Variants in RNF26 observed in about 807,000 individuals in gnomAD.
RNF26 encodes the protein E3 ubiquitin-protein ligase RNF26.
Under a neutral mutation model 25.4 loss-of-function variants are expected in RNF26, and 8 were observed. The ratio of observed to expected loss-of-function variants is 0.31; its 90% CI spans 0.18 to 0.57. RNF26 has a LOEUF of 0.57. Ranked by LOEUF, RNF26 falls within the 20% of genes least tolerant of loss-of-function variation. The pLI, the probability that RNF26 is intolerant of heterozygous loss-of-function variation, is 0.90. For missense variants in RNF26, 470 were observed against 552.0 expected (o/e 0.85, Z 1.49); for synonymous variants, 262 against 246.7 (o/e 1.06, Z -0.58).
chr11:119,336,372 A>G lies in RNF26; in HGVS notation c.1250A>G (p.Asn417Ser). 6.2e-7 allele frequency: 1 copy of G among 1,611,862 alleles called. No homozygotes were observed. Among genetic ancestry groups the G allele is most frequent in the Non-Finnish European group, 8.5e-7 (1 of 1,179,958 alleles). ...ILMRHPVYHR[N>S]CPLCRRGILQ... ...ATGCGCCACCCCGTCTACCACCGCA[A>G]TTGCCCGCTCTGCCGCCGGGGCATC... is the stretch of plus-strand genomic sequence containing the variant. Residue 417 changes from asparagine (N) to serine (S), a missense_variant, in exon 1 of 1, where the codon AAT becomes AGT. Physicochemically the swap from Asn to Ser is conservative, Grantham distance 46. Coordinates refer to ENST00000311413, the MANE Select transcript of RNF26 (RefSeq NM_032015.5).
Position 119,335,140 on chromosome 11 carries a change from G to C in RNF26, c.18G>C (p.Leu6=). The C allele has an allele frequency of 6.2e-7, 1 of 1,613,860 alleles. No individual in the cohort carries two copies. Among genetic ancestry groups the C allele is most frequent in the Non-Finnish European group, 8.5e-7 (1 of 1,179,854 alleles). The change falls in exon 1 of 1, where the codon CTG becomes CTC. Residue 6 remains leucine (L), a synonymous_variant. Coordinates refer to ENST00000311413, the MANE Select transcript of RNF26 (RefSeq NM_032015.5). The part of the protein sequence containing the change: MEAVY[L]VVNGLGLVLD... ...GCCCTATCATGGAGGCAGTGTACCTGGTAGTGAATGGGTTGGGCCTGGTGC... is the reference window on the plus strand; with the variant it reads ...GCCCTATCATGGAGGCAGTGTACCTCGTAGTGAATGGGTTGGGCCTGGTGC...
In RNF26 at chr11:119,336,550, C is replaced by A; in HGVS notation, c.*126C>A. The A allele has an allele frequency of 2.6e-6, 2 of 767,642 alleles. No homozygotes were observed. Among genetic ancestry groups the A allele is most frequent in the Non-Finnish European group, 4.3e-6 (2 of 470,496 alleles). 47.6% of individuals were successfully genotyped at this position (767,642 alleles called of 1,614,324 possible). A position where few individuals can be genotyped will look rare whatever the true frequency, so the allele number is the denominator to read the frequency against. ...CTACCCCTGTGGCCATCCTGCCATA[C>A]ATCCAGGACATTGAGTTGGAAGACT... On this transcript the variant is annotated 3_prime_UTR_variant, in exon 1 of 1. Transcript: ENST00000311413.
Position 119,336,170 on chromosome 11 carries a change from G to A in RNF26, c.1048G>A (p.Val350Ile). 4 of 1,614,178 alleles carry A rather than the reference G, an allele frequency of 2.5e-6. No individual in the cohort carries two copies. The highest frequency in any genetic ancestry group is 3.4e-6 in the Non-Finnish European group (4 of 1,180,044). The change falls in exon 1 of 1, where the codon GTC (valine) becomes ATC (isoleucine). Residue 350 changes from valine to isoleucine, a missense_variant. By Grantham distance (29) the Val-to-Ile change is conservative. Transcript: ENST00000311413. The part of the protein sequence containing the change: ...EEARTIRVTP[V>I]RGRERLNEEE... The stretch of plus-strand genomic sequence containing the variant: ...GGCCAGGACCATCAGAGTGACACCT[G>A]TCAGGGGCCGAGAGAGGCTCAATGA...
Position 119,336,482 on chromosome 11 carries a change from C to G in RNF26, c.*58C>G, listed in dbSNP as rs747980291. 2.1e-6 allele frequency: 3 copies of G among 1,449,390 alleles called. No individual in the cohort carries two copies. The highest frequency in any genetic ancestry group is 2.9e-6 in the Non-Finnish European group (3 of 1,048,148). 89.8% of individuals were successfully genotyped at this position (1,449,390 alleles called of 1,614,324 possible). On this transcript the variant is annotated 3_prime_UTR_variant, in exon 1 of 1. Coordinates refer to ENST00000311413, the MANE Select transcript of RNF26 (RefSeq NM_032015.5). Reference sequence around the variant, plus strand: ...CTCCACGCAGGCACTCACGCTAGGACAGCATTAACACCTCATCTCCGGGTC... The same window carrying G: ...CTCCACGCAGGCACTCACGCTAGGAGAGCATTAACACCTCATCTCCGGGTC...
rs1045615667 is a variant in RNF26 at position 119,335,859 on chromosome 11, A to G, written c.737A>G (p.His246Arg). The G allele has an allele frequency of 6.2e-7, 1 of 1,610,012 alleles. No homozygotes were observed. Among genetic ancestry groups the G allele is most frequent in the East Asian group, 2.2e-5 (1 of 44,898 alleles). Residue 246 changes from histidine to arginine, a missense_variant, in exon 1 of 1, where the codon CAT becomes CGT. Physicochemically the swap from His to Arg is conservative, Grantham distance 29 (BLOSUM62 0). Coordinates refer to ENST00000311413, the MANE Select transcript of RNF26 (RefSeq NM_032015.5). The part of the protein sequence containing the change: ...CVLAVTVTVL[H>R]PDFTLRLATQ... ...CTGGCAGTGACGGTGACTGTGTTGCATCCGGACTTCACCCTGAGGCTGGCT... is the reference window on the plus strand; with the variant it reads ...CTGGCAGTGACGGTGACTGTGTTGCGTCCGGACTTCACCCTGAGGCTGGCT...
Position 119,334,894 on chromosome 11 carries a change from C to T in RNF26, c.-229C>T, listed in dbSNP as rs1591296271. ...GTTTGGCCTCTTCCCTCCCAAACAGCCCATCTTCAAAACCTGGACTCTTGG... is the reference window on the plus strand; with the variant it reads ...GTTTGGCCTCTTCCCTCCCAAACAGTCCATCTTCAAAACCTGGACTCTTGG... On this transcript the variant is annotated 5_prime_UTR_variant, in exon 1 of 1. Transcript: ENST00000311413. 1 of 585,960 alleles carries T rather than the reference C, an allele frequency of 1.7e-6. No individual in the cohort carries two copies. The highest frequency in any genetic ancestry group is 2.8e-5 in the East Asian group (1 of 35,390). 36.3% of individuals were successfully genotyped at this position (585,960 alleles called of 1,614,324 possible).
Position 119,336,179 on chromosome 11 carries a change from CG to C in RNF26, c.1058del (p.Arg353GlnfsTer19). The C allele has an allele frequency of 6.2e-7, 1 of 1,614,104 alleles. No homozygotes were observed. The highest frequency in any genetic ancestry group is 8.5e-7 in the Non-Finnish European group (1 of 1,180,036). ...RTIRVTPVRGRERLNEEEPPG... is the reference protein window; with the variant it reads ...RTIRVTPVRGXERLNEEEPPG... Reference sequence around the variant, plus strand: ...CATCAGAGTGACACCTGTCAGGGGCCGAGAGAGGCTCAATGAGGAGGAGCCT... The same window carrying C: ...CATCAGAGTGACACCTGTCAGGGGCCAGAGAGGCTCAATGAGGAGGAGCCT... On this transcript the variant is annotated frameshift_variant, in exon 1 of 1. Coordinates refer to ENST00000311413, the MANE Select transcript of RNF26 (RefSeq NM_032015.5). LOFTEE classifies it high-confidence loss of function.
Position 119,334,751 on chromosome 11 carries a change from A to C in RNF26, c.-372A>C. On this transcript the variant is annotated 5_prime_UTR_variant, in exon 1 of 1. Transcript: ENST00000311413. ...ACGCGACCCGATCCGATCCGATCCC[A>C]TTCCATCCGTTCCTCGTCTCCTCCC... The C allele has an allele frequency of 3.3e-6, 1 of 299,994 alleles. No homozygotes were observed. The highest frequency in any genetic ancestry group is 2.2e-5 in the African/African-American group (1 of 45,586). 18.6% of individuals were successfully genotyped at this position (299,994 alleles called of 1,614,324 possible).
Position 119,334,651 on chromosome 11 carries a change from C to T in RNF26, c.-472C>T, listed in dbSNP as rs1000274665. ...CGGGAAGACGGGGGCCGGGCGGGGA[C>T]AGGGGCACCTGCGTAGCTGGACTGA... On this transcript the variant is annotated 5_prime_UTR_variant, in exon 1 of 1. Transcript: ENST00000311413. 1.2e-4 allele frequency: 20 copies of T among 168,896 alleles called. No individual in the cohort carries two copies. The highest frequency in any genetic ancestry group is 8.5e-4 in the East Asian group (5 of 5,904). 10.5% of individuals were successfully genotyped at this position (168,896 alleles called of 1,614,324 possible).
chr11:119,335,379 T>A lies in RNF26; in HGVS notation c.257T>A (p.Leu86Gln), dbSNP rs1467523648. The A allele has an allele frequency of 6.2e-7, 1 of 1,614,208 alleles. No homozygotes were observed. The highest frequency in any genetic ancestry group is 8.5e-7 in the Non-Finnish European group (1 of 1,180,034). ...GGGGGCTTGCAGGCCTTGTGTACTCTGCTGTATAGCTGCTGCTCTGGCCTA... is the reference window on the plus strand; with the variant it reads ...GGGGGCTTGCAGGCCTTGTGTACTCAGCTGTATAGCTGCTGCTCTGGCCTA... ...TCGGLQALCT[L>Q]LYSCCSGLES... The change falls in exon 1 of 1, where the codon CTG (leucine) becomes CAG (glutamine). Residue 86 changes from leucine to glutamine, a missense_variant. By Grantham distance (113) the Leu-to-Gln change is moderately radical. Transcript: ENST00000311413.
Position 119,335,963 on chromosome 11 carries a change from G to C in RNF26, c.841G>C (p.Ala281Pro). 2 of 1,611,916 alleles carry C rather than the reference G, an allele frequency of 1.2e-6. No individual in the cohort carries two copies. Among genetic ancestry groups the C allele is most frequent in the Admixed American group, 3.3e-5 (2 of 60,028 alleles). Residue 281 changes from alanine (A) to proline (P), a missense_variant, in exon 1 of 1, where the codon GCA (alanine) becomes CCA (proline). Coordinates refer to ENST00000311413, the MANE Select transcript of RNF26 (RefSeq NM_032015.5). ...GGATGTCATGCGGCTCTCTCGCCTA[G>C]CACTGGGCTCAGAGGCCTGGCGCCG... ...REDVMRLSRL[A>P]LGSEAWRRVW...
chr11:119,336,136 AGAG>A lies in RNF26; in HGVS notation c.1022_1024del (p.Glu341del), dbSNP rs767845222. 3.1e-6 allele frequency: 5 copies of A among 1,614,064 alleles called. No homozygotes were observed. The highest frequency in any genetic ancestry group is 1.7e-5 in the Admixed American group (1 of 60,012). On this transcript the variant is annotated inframe_deletion, in exon 1 of 1. Transcript: ENST00000311413. ...AAGCGGGGCGCAGATCAGAGGCAGA[AGAG>A]GAGGAGGCCAGGACCATCAGAGTGA...
Position 119,335,887 on chromosome 11 carries a change from C to T in RNF26, c.765C>T (p.Thr255=), listed in dbSNP as rs752489469. The change falls in exon 1 of 1, where the codon ACC becomes ACT. Residue 255 remains threonine, a synonymous_variant. Transcript: ENST00000311413. ...CGGACTTCACCCTGAGGCTGGCTAC[C>T]CAGGCACTCAGCCAGCTCCATGCCC... The part of the protein sequence containing the change: ...LHPDFTLRLA[T]QALSQLHARP... The T allele has an allele frequency of 6.2e-7, 1 of 1,609,746 alleles. No individual in the cohort carries two copies. The highest frequency in any genetic ancestry group is 8.5e-7 in the Non-Finnish European group (1 of 1,180,004).
rs1410581944 is a variant in RNF26 at position 119,335,091 on chromosome 11, C to CT, written c.-29dup. On this transcript the variant is annotated 5_prime_UTR_variant, in exon 1 of 1. Coordinates refer to ENST00000311413, the MANE Select transcript of RNF26 (RefSeq NM_032015.5). ...ACAACCCCCCAACCGAGGAGCCAGA[C>CT]TTTGTTTTGGACTAACTTCCATAGC... 1.9e-6 allele frequency: 3 copies of CT among 1,566,268 alleles called. No homozygotes were observed. The highest frequency in any genetic ancestry group is 8.7e-7 in the Non-Finnish European group (1 of 1,144,956).
rs747402374 is a variant in RNF26, at chr11:119,335,920, C to T, written c.798C>T (p.Ser266=). Residue 266 remains serine (S), a synonymous_variant, in exon 1 of 1, where the codon TCC becomes TCT. Coordinates refer to ENST00000311413, the MANE Select transcript of RNF26 (RefSeq NM_032015.5). ...TCAGCCAGCTCCATGCCCGGCCATC[C>T]TACCACCGTCTTCGAGAGGATGTCA... ...QALSQLHARP[S]YHRLREDVMR... 1.9e-6 allele frequency: 3 copies of T among 1,610,358 alleles called. No homozygotes were observed. In the South Asian group the frequency reaches 3.3e-5, roughly 18 times the overall value.
rs759133321 is a variant in RNF26 at position 119,336,278 on chromosome 11, C to G, written c.1156C>G (p.Gln386Glu). Residue 386 changes from glutamine (Q) to glutamate (E), a missense_variant, in exon 1 of 1, where the codon CAG (glutamine) becomes GAG (glutamate). Physicochemically the swap from Gln to Glu is conservative, Grantham distance 29. Coordinates refer to ENST00000311413, the MANE Select transcript of RNF26 (RefSeq NM_032015.5). The stretch of plus-strand genomic sequence containing the variant: ...GAAGAAGTGTGTCATCTGCCAGGAC[C>G]AGAGCAAGACAGTGTTGCTCCTGCC... Reference protein sequence around the residue: ...ERKKCVICQDQSKTVLLLPCR... With the variant: ...ERKKCVICQDESKTVLLLPCR... The G allele has an allele frequency of 1.1e-5, 18 of 1,613,680 alleles. No individual in the cohort carries two copies. Among genetic ancestry groups the G allele is most frequent in the Non-Finnish European group, 1.5e-5 (18 of 1,180,036 alleles).
Position 119,335,078 on chromosome 11 carries a change from C to T in RNF26, c.-45C>T. ...ATTGACAACCTTGACAACCCCCCAACCGAGGAGCCAGACTTTGTTTTGGAC... is the reference window on the plus strand; with the variant it reads ...ATTGACAACCTTGACAACCCCCCAATCGAGGAGCCAGACTTTGTTTTGGAC... On this transcript the variant is annotated 5_prime_UTR_variant, in exon 1 of 1. Coordinates refer to ENST00000311413, the MANE Select transcript of RNF26 (RefSeq NM_032015.5). The T allele has an allele frequency of 6.6e-7, 1 of 1,514,318 alleles. No homozygotes were observed. The highest frequency in any genetic ancestry group is 2.3e-5 in the East Asian group (1 of 44,196). The allele number at this position is 1,514,318 out of a possible 1,614,324, so 93.8% of individuals were successfully genotyped here. A position where few individuals can be genotyped will look rare whatever the true frequency, so the allele number is the denominator to read the frequency against.
Position 119,334,967 on chromosome 11 carries a change from T to C in RNF26, c.-156T>C. 1.6e-6 allele frequency: 1 copy of C among 624,798 alleles called. No individual in the cohort carries two copies. The highest frequency in any genetic ancestry group is 2.8e-6 in the Non-Finnish European group (1 of 355,804). 38.7% of individuals were successfully genotyped at this position (624,798 alleles called of 1,614,324 possible). A position where few individuals can be genotyped will look rare whatever the true frequency, so the allele number is the denominator to read the frequency against. ...CTCTACCAAGACTCCACTTCCGTCT[T>C]ACCCACTTCTTCCTCAGATTCTTGG... On this transcript the variant is annotated 5_prime_UTR_variant, in exon 1 of 1. Transcript: ENST00000311413.
At position 119,335,527 on chromosome 11, in the gene RNF26, C is replaced by T; in HGVS notation, c.405C>T (p.Asp135=). The T allele has an allele frequency of 6.2e-7, 1 of 1,614,004 alleles. No individual in the cohort carries two copies. The highest frequency in any genetic ancestry group is 8.5e-7 in the Non-Finnish European group (1 of 1,179,946). The part of the protein sequence containing the change: ...SGHALLRQAC[D]ICAIAMSLVA... ...ATGCTTTGCTGCGCCAGGCCTGTGA[C>T]ATCTGTGCCATTGCCATGAGCCTGG... The change falls in exon 1 of 1, where the codon GAC becomes GAT. Residue 135 remains aspartate (D), a synonymous_variant. Transcript: ENST00000311413.
Sources: gnomAD v4.1 joint callset for allele counts on GRCh38, gnomAD v4.1.1 for gene constraint, MANE v1.5 for transcripts, NCBI Gene and HGNC (gene_info 2026-07-23, HGNC 2026-07-21) for gene names.